Variants in FBXO34 observed in about 807,000 individuals in gnomAD.
FBXO34 encodes the protein F-box only protein 34.
Under a neutral mutation model 24.5 loss-of-function variants are expected in FBXO34, and 12 were observed. The observed-to-expected ratio is 0.49, with a 90% CI of 0.31 to 0.79. FBXO34 has a LOEUF of 0.79. Among genes scored for constraint, FBXO34 ranks in the 30% least tolerant of loss-of-function variants. FBXO34 has a pLI of 0.04. For synonymous variants in FBXO34, 320 were observed against 311.9 expected, an observed-to-expected ratio of 1.03 and a Z score of -0.27; for missense variants, 823 against 857.7, an observed-to-expected ratio of 0.96 and a Z score of 0.51.
At chr14:55,375,490 A>AATTTTTTTTTTTT in the FBXO34 span, among the ~76,000 whole-genome samples, 5 of 117,798 alleles carry the variant, frequency 4.2e-5, no homozygotes, top group South Asian at 2.8e-4. Context: ...GCCGGGCTAA[A>AATTTTTTTTTTTT]TTTTTTTTTT....
chr14:55,426,056 C>T, the FBXO34 span, among the ~76,000 whole-genome samples: 2 of 152,072 alleles, frequency 1.3e-5, no homozygotes, highest in Non-Finnish European at 2.9e-5. Context: ...CGCCTGAGGT[C>T]AGGAGTTCAA....
the FBXO34 span, chr14:55,396,075 TTAGAAATGGC>T: frequency 1.1e-6 from 1 of 916,758 alleles, no homozygotes. Flanking sequence ...AATTAAGTCC[TTAGAAATGGC>T]TAGAAATATC....
At chr14:55,407,192 G>T in the FBXO34 span, among the ~76,000 whole-genome samples, 2 of 152,118 alleles carry the variant, frequency 1.3e-5, no homozygotes, top group Non-Finnish European at 2.9e-5. Flanking sequence ...GCAATGGTGT[G>T]ATCTTGGCTC....
chr14:55,351,774 A>C lies in FBXO34; in HGVS notation c.1384A>C (p.Lys462Gln). 6.2e-7 allele frequency: 1 copy of C among 1,614,222 alleles called. No homozygotes were observed. Among genetic ancestry groups the C allele is most frequent in the Non-Finnish European group, 8.5e-7 (1 of 1,180,030 alleles). ...ESLCISITVS[K>Q]VDKDQPSILN... is the part of the protein sequence containing the mutation. ...TTTGTGCATTAGTATCACTGTGTCC[A>C]AGGTAGACAAAGACCAGCCTTCCAT... Residue 462 changes from lysine (K) to glutamine (Q), a missense_variant, in exon 2 of 2, where the codon AAG (lysine) becomes CAG (glutamine). By Grantham distance (53) the Lys-to-Gln change is moderately conservative. Coordinates refer to ENST00000313833, the MANE Select transcript of FBXO34 (RefSeq NM_017943.4).
chr14:55,386,060 T>C, the FBXO34 span: 1 of 1,612,202 alleles, frequency 6.2e-7, no homozygotes, highest in Non-Finnish European at 8.5e-7. Context: ...GTAAAGCTTC[T>C]GATTCTTTTC....
intron 1 of FBXO34, among the ~76,000 whole-genome samples, chr14:55,343,235 C>T (rs1276250426): frequency 1.4e-5 from 2 of 144,558 alleles, no homozygotes; most frequent in Non-Finnish European, 3.0e-5. Context: ...TATTTTTATT[C>T]CTCCGATTTT....
In FBXO34 at chr14:55,289,876, A is replaced by G. The variant is rs1336264834; in HGVS notation, c.-11+18339A>G. Among the ~76,000 whole-genome samples the G allele has an allele frequency of 1.2e-4, 19 of 152,184 alleles. 1 individual carries two copies. The highest frequency in any genetic ancestry group is 1.5e-5 in the Non-Finnish European group (1 of 67,998). ...TCTACCTTTAAAAAAAAAAACAAGT[A>G]TGGTAGCATACTCTGTATACTATTA... On this transcript the variant is annotated intron_variant, in intron 1 of 1. Coordinates refer to ENST00000313833, the MANE Select transcript of FBXO34 (RefSeq NM_017943.4).
the FBXO34 span, among the ~76,000 whole-genome samples, chr14:55,393,339 C>A: frequency 6.6e-6 from 1 of 151,296 alleles, no homozygotes; most frequent in Non-Finnish European, 1.5e-5. Flanking sequence ...GAGCCGAGAT[C>A]GCGCCACTGC....
At chr14:55,299,402 A>C in intron 1 of FBXO34, among the ~76,000 whole-genome samples, 1 of 30,948 alleles carries the variant, frequency 3.2e-5, no homozygotes, top group Non-Finnish European at 6.4e-5. Flanking sequence ...GGGGGCGGGT[A>C]GAGGGGGGTT....
At chr14:55,286,253 T>G (rs1881756700) in intron 1 of FBXO34, among the ~76,000 whole-genome samples, 1 of 152,226 alleles carries the variant, frequency 6.6e-6, no homozygotes, top group Non-Finnish European at 1.5e-5. Context: ...TCTTGAAGAT[T>G]CGACGTGAAT....
chr14:55,334,510 G>T (rs1052464735), intron 1 of FBXO34, among the ~76,000 whole-genome samples: 1 of 140,446 alleles, frequency 7.1e-6, no homozygotes, highest in Non-Finnish European at 1.5e-5. Context: ...CATGTAGTTA[G>T]TAGCCATTGG....
At chr14:55,425,523 T>C in the FBXO34 span, among the ~76,000 whole-genome samples, 2 of 152,220 alleles carry the variant, frequency 1.3e-5, no homozygotes, top group Admixed American at 1.3e-4. Context: ...ATTAGGAATA[T>C]ACTTCATTTT....
the FBXO34 span, among the ~76,000 whole-genome samples, chr14:55,393,109 C>T: frequency 0.014 from 2,098 of 152,248 alleles, 24 homozygotes; most frequent in Middle Eastern, 0.031. Flanking sequence ...TGACTGGGCG[C>T]GGTGGCTCAC....
intron 1 of FBXO34, chr14:55,326,046 T>A (rs1376573920): frequency 6.6e-6 from 1 of 152,208 alleles, no homozygotes; most frequent in East Asian, 1.9e-4. Flanking sequence ...ACAATCCAAA[T>A]ACCTTTTTTG....
At chr14:55,419,066 G>A in the FBXO34 span, among the ~76,000 whole-genome samples, 7 of 152,256 alleles carry the variant, frequency 4.6e-5, no homozygotes, top group Admixed American at 4.6e-4. Context: ...TCACTGCTAA[G>A]AGAATCTTAA....
At chr14:55,298,972 A>G in intron 1 of FBXO34, 16 of 1,602,612 alleles carry the variant, frequency 1.0e-5, no homozygotes, top group Non-Finnish European at 1.4e-5. Flanking sequence ...GCCCACGACA[A>G]CATGGACATC....
chr14:55,363,351 T>TA (rs1280142405), downstream of FBXO34, among the ~76,000 whole-genome samples: 2 of 147,980 alleles, frequency 1.4e-5, no homozygotes, highest in Non-Finnish European at 3.0e-5. Context: ...TTTTTTCAGA[T>TA]AGAGTCTGCT....
chr14:55,422,908 A>G, the FBXO34 span, among the ~76,000 whole-genome samples: 1 of 152,140 alleles, frequency 6.6e-6, no homozygotes, highest in East Asian at 1.9e-4. Context: ...CTGTAGAATG[A>G]CATAGAAAAG....
At position 55,323,186 on chromosome 14, in the gene FBXO34, A is replaced by T. The variant is rs1160949175; in HGVS notation, c.-10-27195A>T. ...GGCGACAGAGTGAGACTCTGTCTCA[A>T]AAAAAAAAAAAAAAAAAAAAAAAAA... On this transcript the variant is annotated intron_variant, in intron 1 of 1. Transcript: ENST00000313833. Among the ~76,000 whole-genome samples the T allele has an allele frequency of 8.0e-3, 172 of 21,420 alleles. 12 individuals are homozygous for T. The highest frequency in any genetic ancestry group is 0.072 in the African/African-American group (117 of 1,632). The allele number at this position is 21,420 out of a possible 152,430, so 14.1% of individuals were successfully genotyped here. A position where few individuals can be genotyped will look rare whatever the true frequency, so the allele number is the denominator to read the frequency against.
Sources: allele counts gnomAD v4.1 joint callset (sites outside exome capture counted in the v4.1 genomes callset), GRCh38; gene constraint gnomAD v4.1.1; transcripts MANE v1.5; gene names NCBI Gene and HGNC (gene_info 2026-07-23, HGNC 2026-07-21).